CAB39: variants seen among roughly 807,000 people sequenced by gnomAD.
CAB39 encodes calcium-binding protein 39.
CAB39 carries 8 observed loss-of-function variants against 40.0 expected under a neutral mutation model. That is an observed-to-expected ratio of 0.20 (90% CI 0.12 to 0.36). The LOEUF is 0.36. Among genes scored for constraint, CAB39 ranks in the 10% least tolerant of loss-of-function variants. The probability of loss-of-function intolerance (pLI) is 1.00; values close to 1 mark genes in which losing one functional copy is unlikely to be tolerated. For synonymous variants in CAB39, 156 were observed against 141.6 expected, an observed-to-expected ratio of 1.10 and a Z score of -0.72; for missense variants, 270 against 401.1, an observed-to-expected ratio of 0.67 and a Z score of 2.79.
At chr2:230,772,993 A>AAAC (rs1383681182) in intron 2 of CAB39, among the ~76,000 whole-genome samples, 1 of 151,938 alleles carries the variant, frequency 6.6e-6, no homozygotes, top group Non-Finnish European at 1.5e-5. Context: ...AAAAAAAAAA[A>AAAC]AAAAAAAAAA....
At chr2:230,785,034 A>T (rs1695764349) in intron 2 of CAB39, among the ~76,000 whole-genome samples, 1 of 152,176 alleles carries the variant, frequency 6.6e-6, no homozygotes, top group Non-Finnish European at 1.5e-5. Context: ...ATCTCCAAAT[A>T]AGGAATGGCA....
In CAB39 at chr2:230,818,761, C is replaced by T. The variant is rs1696450242; in HGVS notation, c.*57C>T. The T allele has an allele frequency of 2.2e-6, 3 of 1,336,934 alleles. No homozygotes were observed. Among genetic ancestry groups the T allele is most frequent in the Admixed American group, 3.6e-5 (2 of 55,436 alleles). The allele number at this position is 1,336,934 out of a possible 1,614,324, so 82.8% of individuals were successfully genotyped here. On this transcript the variant is annotated 3_prime_UTR_variant, in exon 9 of 9. Transcript: ENST00000258418. ...TCAGCATTTGCTGTTAGCTATTCAG[C>T]ATCAGGCACTCTTATTGATTCATGA...
intron 1 of CAB39, among the ~76,000 whole-genome samples, chr2:230,746,412 A>G (rs1016281903): frequency 1.3e-5 from 2 of 152,224 alleles, no homozygotes; most frequent in Admixed American, 6.5e-5. Flanking sequence ...AAAACAGTCA[A>G]TCCCAAAAAG....
At chr2:230,812,446 G>T (rs1235163978) in intron 6 of CAB39, among the ~76,000 whole-genome samples, 1 of 152,148 alleles carries the variant, frequency 6.6e-6, no homozygotes, top group East Asian at 1.9e-4. Flanking sequence ...GGAAACAGGG[G>T]CCACATACAT....
At chr2:230,769,029 T>C (rs115450699) in intron 2 of CAB39, among the ~76,000 whole-genome samples, 16 of 152,090 alleles carry the variant, frequency 1.1e-4, no homozygotes, top group Non-Finnish European at 1.2e-4. Flanking sequence ...AGTTAGCAAC[T>C]TAAAATAGGT....
intron 1 of CAB39, among the ~76,000 whole-genome samples, chr2:230,730,939 G>A (rs1337404677): frequency 6.6e-6 from 1 of 152,166 alleles, no homozygotes; most frequent in Non-Finnish European, 1.5e-5. Flanking sequence ...CTCCTTTTAT[G>A]TTTCAAATGC....
chr2:230,729,043 T>G (rs993251590), intron 1 of CAB39, among the ~76,000 whole-genome samples: 4 of 152,152 alleles, frequency 2.6e-5, no homozygotes, highest in Admixed American at 2.0e-4. Flanking sequence ...GCACTTACAT[T>G]ATCTCAATTA....
intron 5 of CAB39, among the ~76,000 whole-genome samples, chr2:230,805,818 G>A (rs554180480): frequency 5.3e-5 from 8 of 152,316 alleles, no homozygotes; most frequent in South Asian, 2.1e-4. Context: ...CTATTGGCAC[G>A]TAAATTGCCG....
At chr2:230,774,587 G>A (rs1695552429) in intron 2 of CAB39, among the ~76,000 whole-genome samples, 2 of 152,170 alleles carry the variant, frequency 1.3e-5, no homozygotes, top group South Asian at 4.1e-4. Context: ...AGGTATGGCT[G>A]CCTTGCTCAG....
intron 1 of CAB39, among the ~76,000 whole-genome samples, chr2:230,743,090 G>A (rs1478394814): frequency 6.6e-6 from 1 of 152,202 alleles, no homozygotes; most frequent in Non-Finnish European, 1.5e-5. Context: ...GCTTTCTAAG[G>A]TGGGCAGGAG....
At chr2:230,727,493 T>C (rs1465330747) in intron 1 of CAB39, among the ~76,000 whole-genome samples, 1 of 150,944 alleles carries the variant, frequency 6.6e-6, no homozygotes, top group Non-Finnish European at 1.5e-5. Context: ...TGGCTCACTG[T>C]AGCCTCAACC....
intron 5 of CAB39, among the ~76,000 whole-genome samples, chr2:230,805,810 A>G (rs377592736): frequency 1.3e-5 from 2 of 152,244 alleles, no homozygotes; most frequent in African/African-American, 2.4e-5. Flanking sequence ...TCCATATGCT[A>G]TTGGCACGTA....
intron 1 of CAB39, among the ~76,000 whole-genome samples, chr2:230,745,111 A>T (rs1694949894): frequency 6.6e-6 from 1 of 152,256 alleles, no homozygotes; most frequent in Non-Finnish European, 1.5e-5. Context: ...CACTAAGCCC[A>T]TTTCATTAAG....
chr2:230,724,735 G>T (rs1358106461), intron 1 of CAB39, among the ~76,000 whole-genome samples: 3 of 136,186 alleles, frequency 2.2e-5, no homozygotes, highest in Non-Finnish European at 3.2e-5. Flanking sequence ...TCTATGAGTA[G>T]TTTACCTCGT....
At chr2:230,724,703 C>CAAAA (rs60886023) in intron 1 of CAB39, among the ~76,000 whole-genome samples, 44 of 54,760 alleles carry the variant, frequency 8.0e-4, no homozygotes, top group African/African-American at 3.1e-3. Context: ...ACACGCTCAC[C>CAAAA]AAAAAAAAAA....
At chr2:230,757,279 A>G (rs1695209270) in intron 1 of CAB39, among the ~76,000 whole-genome samples, 1 of 152,082 alleles carries the variant, frequency 6.6e-6, no homozygotes. Context: ...AATTTTTTGT[A>G]GAGACAGGGT....
intron 1 of CAB39, among the ~76,000 whole-genome samples, chr2:230,729,817 A>G (rs570553332): frequency 3.3e-5 from 5 of 152,228 alleles, no homozygotes; most frequent in African/African-American, 4.8e-5. Context: ...GCACTTGGCT[A>G]TGAAAAATCT....
chr2:230,740,937 A>G (rs1225827743), intron 1 of CAB39, among the ~76,000 whole-genome samples: 1 of 152,226 alleles, frequency 6.6e-6, no homozygotes, highest in Non-Finnish European at 1.5e-5. Flanking sequence ...TGGTGTGACT[A>G]TTAAAACTTA....
intron 1 of CAB39, 48 bp downstream of exon 1, chr2:230,713,278 G>A: frequency 6.6e-6 from 1 of 152,334 alleles, no homozygotes; most frequent in Non-Finnish European, 1.5e-5. Flanking sequence ...CGCCTGCCCG[G>A]CTTCCGCCTG....
Sources: allele counts gnomAD v4.1 joint callset (sites outside exome capture counted in the v4.1 genomes callset), GRCh38; gene constraint gnomAD v4.1.1; transcripts MANE v1.5; gene names NCBI Gene and HGNC (gene_info 2026-07-23, HGNC 2026-07-21).